CNTNAP2: variants seen among roughly 807,000 people sequenced by gnomAD.
CNTNAP2 encodes contactin associated protein 2.
In CNTNAP2, 98 loss-of-function variants were observed where a neutral mutation model predicts 155.2. That is an observed-to-expected ratio of 0.63 (90% CI 0.54 to 0.75). The LOEUF (loss-of-function observed/expected upper bound fraction) is 0.75, where lower values mean the gene tolerates loss of function less well. Ranked by LOEUF, CNTNAP2 falls within the 30% of genes least tolerant of loss-of-function variation. CNTNAP2 has a pLI of 0.00. For missense variants in CNTNAP2, 1,727 were observed against 1,688.1 expected, an observed-to-expected ratio of 1.02 and a Z score of -0.40; for synonymous variants, 651 against 631.2, an observed-to-expected ratio of 1.03 and a Z score of -0.47.
intron 13 of CNTNAP2, among the ~76,000 whole-genome samples, chr7:147,695,305 C>T (rs922310829): frequency 1.3e-5 from 2 of 151,994 alleles, no homozygotes; most frequent in Non-Finnish European, 2.9e-5. Flanking sequence ...AGCAATGTGC[C>T]TTTTGTGGCT....
At chr7:148,250,093 C>T (rs1006181231) in intron 20 of CNTNAP2, among the ~76,000 whole-genome samples, 3 of 152,384 alleles carry the variant, frequency 2.0e-5, no homozygotes, top group South Asian at 4.1e-4. Context: ...CTACTTGAGC[C>T]TCACTGGCTT....
At position 147,147,181 on chromosome 7, in the gene CNTNAP2, C is replaced by T. The variant is rs906273881; in HGVS notation, c.1348+14672C>T. Reference sequence around the variant, plus strand: ...GTGAGTAGCGAAGGGGAAAGACCCCCTTATAAAACCATCATATCTCATGAG... The same window carrying T: ...GTGAGTAGCGAAGGGGAAAGACCCCTTTATAAAACCATCATATCTCATGAG... On this transcript the variant is annotated intron_variant, in intron 8 of 23. Coordinates refer to ENST00000361727, the MANE Select transcript of CNTNAP2 (RefSeq NM_014141.6). Among the ~76,000 whole-genome samples the T allele has an allele frequency of 3.9e-5, 6 of 152,068 alleles. No homozygotes were observed. The South Asian group carries it at 1.0e-3, about 26-fold the overall frequency.
intron 11 of CNTNAP2, among the ~76,000 whole-genome samples, chr7:147,537,639 C>T (rs2116737072): frequency 6.6e-6 from 1 of 152,068 alleles, no homozygotes; most frequent in African/African-American, 2.4e-5. Context: ...ATAAGCGTGA[C>T]TTAATTACAG....
intron 15 of CNTNAP2, among the ~76,000 whole-genome samples, chr7:148,071,492 CAT>C (rs1491062781): frequency 2.0e-5 from 3 of 152,010 alleles, no homozygotes; most frequent in Non-Finnish European, 4.4e-5. Flanking sequence ...CACACACACA[CAT>C]ACACACACAA....
intron 13 of CNTNAP2, among the ~76,000 whole-genome samples, chr7:147,739,772 T>A (rs1796924879): frequency 4.6e-5 from 7 of 152,144 alleles, no homozygotes; most frequent in Admixed American, 4.6e-4. Flanking sequence ...AAATGTATCA[T>A]CAATATCATC....
intron 2 of CNTNAP2, among the ~76,000 whole-genome samples, chr7:146,838,409 C>T (rs771611632): frequency 4.6e-5 from 7 of 152,126 alleles, no homozygotes; most frequent in Non-Finnish European, 1.0e-4. Flanking sequence ...CCTCTGCCTC[C>T]CAGGTTCAAG....
At chr7:147,305,069 C>T (rs540452379) in intron 9 of CNTNAP2, among the ~76,000 whole-genome samples, 344 of 152,222 alleles carry the variant, frequency 2.3e-3, no homozygotes, top group African/African-American at 7.7e-3. Flanking sequence ...CTAATTAGCC[C>T]CCAAAGGCCC....
intron 1 of CNTNAP2, among the ~76,000 whole-genome samples, chr7:146,231,825 C>A (rs1799390866): frequency 6.6e-6 from 1 of 152,160 alleles, no homozygotes; most frequent in Admixed American, 6.5e-5. Context: ...AGGAACTGCA[C>A]ATGTGGCACA....
intron 3 of CNTNAP2, among the ~76,000 whole-genome samples, chr7:146,840,965 G>T (rs186063158): frequency 6.6e-6 from 1 of 152,140 alleles, no homozygotes; most frequent in Non-Finnish European, 1.5e-5. Context: ...TATAAGTTAC[G>T]GAAAGCAAGT....
At chr7:148,219,447 A>G (rs1037659494) in intron 19 of CNTNAP2, among the ~76,000 whole-genome samples, 5 of 152,162 alleles carry the variant, frequency 3.3e-5, no homozygotes, top group Non-Finnish European at 5.9e-5. Context: ...TAATCCCAGC[A>G]CTATGGAAGG....
At chr7:147,810,385 G>A (rs2116605929) in intron 13 of CNTNAP2, among the ~76,000 whole-genome samples, 1 of 151,272 alleles carries the variant, frequency 6.6e-6, no homozygotes, top group Admixed American at 6.6e-5. Context: ...TCACTTTTCT[G>A]TACTAAAAAA....
At chr7:146,399,764 A>G (rs1795687426) in intron 1 of CNTNAP2, among the ~76,000 whole-genome samples, 1 of 152,146 alleles carries the variant, frequency 6.6e-6, no homozygotes, top group Non-Finnish European at 1.5e-5. Context: ...TAAAGGCTGT[A>G]GTAATTTATA....
chr7:148,140,284 A>G (rs985799271), intron 16 of CNTNAP2, among the ~76,000 whole-genome samples: 1 of 152,178 alleles, frequency 6.6e-6, no homozygotes, highest in Non-Finnish European at 1.5e-5. Flanking sequence ...TCCGTTATAT[A>G]GGAATGATTG....
In CNTNAP2 at chr7:147,658,173, C is replaced by T. The variant is rs931355173; in HGVS notation, c.2098+18867C>T. Among the ~76,000 whole-genome samples, 5 of 121,516 alleles carry T rather than the reference C, an allele frequency of 4.1e-5. 1 individual carries two copies. Among genetic ancestry groups the T allele is most frequent in the African/African-American group, 1.1e-4 (4 of 35,362 alleles). The allele number at this position is 121,516 out of a possible 152,430, so 79.7% of individuals were successfully genotyped here. ...TTGGGAGGCTGAGGCAGGAGAATGG[C>T]GTGAACCCGGGAGGCGGAGCTTGCA... On this transcript the variant is annotated intron_variant, in intron 13 of 23. Coordinates refer to ENST00000361727, the MANE Select transcript of CNTNAP2 (RefSeq NM_014141.6).
intron 21 of CNTNAP2, among the ~76,000 whole-genome samples, chr7:148,317,160 A>G (rs1156702088): frequency 6.6e-6 from 1 of 152,186 alleles, no homozygotes; most frequent in Non-Finnish European, 1.5e-5. Flanking sequence ...GTTTGAGACC[A>G]TCCTGACCAA....
intron 15 of CNTNAP2, among the ~76,000 whole-genome samples, chr7:148,045,907 A>G (rs545280575): frequency 6.6e-6 from 1 of 152,214 alleles, no homozygotes; most frequent in African/African-American, 2.4e-5. Flanking sequence ...AAAATCACCA[A>G]CCATAGGAAA....
At chr7:146,475,004 C>T (rs1318871815) in intron 1 of CNTNAP2, among the ~76,000 whole-genome samples, 3 of 124,744 alleles carry the variant, frequency 2.4e-5, no homozygotes, top group Non-Finnish European at 5.0e-5. Context: ...CGCGCACGCG[C>T]GCGCGCGCGC....
chr7:147,297,889 C>T (rs1369866510), intron 8 of CNTNAP2, among the ~76,000 whole-genome samples: 2 of 152,122 alleles, frequency 1.3e-5, no homozygotes. Context: ...CATAGGAGTG[C>T]AGATATCTCT....
chr7:148,337,917 C>A (rs1431207159), intron 21 of CNTNAP2, among the ~76,000 whole-genome samples: 1 of 152,208 alleles, frequency 6.6e-6, no homozygotes, highest in African/African-American at 2.4e-5. Flanking sequence ...TTAGTTTAAT[C>A]TTTATTATGG....
Sources: allele counts gnomAD v4.1 joint callset (sites outside exome capture counted in the v4.1 genomes callset), GRCh38; gene constraint gnomAD v4.1.1; transcripts MANE v1.5; gene names NCBI Gene and HGNC (gene_info 2026-07-23, HGNC 2026-07-21).